Variants in STAG1 observed in about 807,000 individuals in gnomAD.
The protein encoded by STAG1 is cohesin subunit SA-1.
A neutral mutation model predicts 170.9 loss-of-function variants in STAG1; 26 were observed. That is an observed-to-expected ratio of 0.15 (90% CI 0.11 to 0.21). The LOEUF (loss-of-function observed/expected upper bound fraction) is 0.21. STAG1 is among the 10% of genes least tolerant of loss of function. The pLI, the probability that STAG1 is intolerant of heterozygous loss-of-function variation, is 1.00. For missense variants in STAG1, 964 were observed against 1,509.5 expected (o/e 0.64, Z 5.99); for synonymous variants, 514 against 497.7 (o/e 1.03, Z -0.44).
intron 5 of STAG1, among the ~76,000 whole-genome samples, chr3:136,551,041 T>G (rs1442133592): frequency 6.6e-6 from 1 of 151,542 alleles, no homozygotes; most frequent in Non-Finnish European, 1.5e-5. Flanking sequence ...AAATTACATT[T>G]CTCCACCTCC....
At chr3:136,407,793 G>A (rs2087524199) in intron 21 of STAG1, among the ~76,000 whole-genome samples, 1 of 151,702 alleles carries the variant, frequency 6.6e-6, no homozygotes, top group South Asian at 2.1e-4. Context: ...TTAGACAGGA[G>A]GCTGAGGCAG....
At position 136,745,153 on chromosome 3, in the gene STAG1, TG is replaced by T. The variant is rs1351835236; in HGVS notation, c.-84+7041del. ...AGCTAGAAAACAAGTTAAAAGCCAT[TG>T]CTATTATGTTTACAGCAAAATTCCA... is the stretch of plus-strand genomic sequence containing the variant. On this transcript the variant is annotated intron_variant, in intron 1 of 33. Coordinates refer to ENST00000383202, the MANE Select transcript of STAG1 (RefSeq NM_005862.3). 5.3e-5 allele frequency among the ~76,000 whole-genome samples: 8 copies of T among 152,368 alleles called. No homozygotes were observed. The East Asian group carries it at 1.5e-3, about 29-fold the overall frequency.
At chr3:136,429,541 G>A (rs144344825) in intron 16 of STAG1, among the ~76,000 whole-genome samples, 10 of 152,302 alleles carry the variant, frequency 6.6e-5, no homozygotes, top group South Asian at 2.1e-4. Context: ...AGATAATTTG[G>A]CAGAAGAGTT....
intron 32 of STAG1, among the ~76,000 whole-genome samples, chr3:136,340,180 G>A (rs1317891257): frequency 6.6e-6 from 1 of 152,080 alleles, no homozygotes; most frequent in African/African-American, 2.4e-5. Flanking sequence ...CTGAGATGGA[G>A]TTTCGCTCTT....
chr3:136,373,273 A>G (rs537064079), intron 23 of STAG1, among the ~76,000 whole-genome samples: 1 of 151,936 alleles, frequency 6.6e-6, no homozygotes, highest in South Asian at 2.1e-4. Context: ...TGGTCTATCA[A>G]TTTTGTTGAT....
chr3:136,662,954 G>A (rs901982596), intron 1 of STAG1, among the ~76,000 whole-genome samples: 1 of 152,138 alleles, frequency 6.6e-6, no homozygotes, highest in Non-Finnish European at 1.5e-5. Context: ...GGGAGGCTGA[G>A]GCAGGAGAAT....
chr3:136,586,035 T>C (rs1181669713), intron 4 of STAG1, among the ~76,000 whole-genome samples: 2 of 152,204 alleles, frequency 1.3e-5, no homozygotes, highest in East Asian at 3.8e-4. Flanking sequence ...TTTCAATTCT[T>C]ACTGAGGGTA....
intron 4 of STAG1, among the ~76,000 whole-genome samples, chr3:136,598,422 C>CTT (rs1164174284): frequency 6.9e-6 from 1 of 145,970 alleles, no homozygotes; most frequent in African/African-American, 2.5e-5. Context: ...TTAATACAAC[C>CTT]TTTTTTTTTT....
At chr3:136,634,173 T>A (rs28754380) in intron 1 of STAG1, among the ~76,000 whole-genome samples, 46 of 150,928 alleles carry the variant, frequency 3.0e-4, no homozygotes, top group African/African-American at 6.3e-4. Context: ...ATAAAAAAAA[T>A]TTTAAAAAGG....
At chr3:136,415,312 T>TAA (rs772520137) in intron 21 of STAG1, among the ~76,000 whole-genome samples, 2 of 68,734 alleles carry the variant, frequency 2.9e-5, no homozygotes, top group African/African-American at 1.0e-4. Context: ...TTGGTTATTA[T>TAA]AAAAAAAAAA....
chr3:136,688,267 C>T (rs1403886366), intron 1 of STAG1, among the ~76,000 whole-genome samples: 1 of 152,186 alleles, frequency 6.6e-6, no homozygotes, highest in Non-Finnish European at 1.5e-5. Context: ...TTCAATGAGA[C>T]TGACAAGAGT....
At chr3:136,455,373 C>T (rs1293311743) in intron 13 of STAG1, among the ~76,000 whole-genome samples, 1 of 152,208 alleles carries the variant, frequency 6.6e-6, no homozygotes, top group Non-Finnish European at 1.5e-5. Context: ...GTGCCAACTG[C>T]CCCCTCCCTA....
chr3:136,435,771 G>C (rs1465983995), intron 15 of STAG1, among the ~76,000 whole-genome samples: 1 of 151,768 alleles, frequency 6.6e-6, no homozygotes, highest in Non-Finnish European at 1.5e-5. Context: ...CCAGGTTCCA[G>C]TGATTCTCCT....
At chr3:136,548,373 C>T (rs1936247735) in intron 5 of STAG1, among the ~76,000 whole-genome samples, 1 of 152,134 alleles carries the variant, frequency 6.6e-6, no homozygotes, top group African/African-American at 2.4e-5. Context: ...CTCAGCCTCC[C>T]CAAGTGCTGG....
At chr3:136,645,199 CCT>C (rs759544608) in intron 1 of STAG1, among the ~76,000 whole-genome samples, 4 of 152,110 alleles carry the variant, frequency 2.6e-5, no homozygotes, top group East Asian at 1.9e-4. Context: ...ATTATACTCC[CCT>C]GATTTCACTG....
intron 1 of STAG1, among the ~76,000 whole-genome samples, chr3:136,705,499 C>T (rs1168870484): frequency 6.6e-6 from 1 of 151,698 alleles, no homozygotes; most frequent in Non-Finnish European, 1.5e-5. Context: ...ATAATTCCCA[C>T]GTATTGTATT....
intron 6 of STAG1, among the ~76,000 whole-genome samples, chr3:136,541,506 CAAGTA>C (rs919650257): frequency 3.0e-5 from 4 of 135,522 alleles, no homozygotes; most frequent in African/African-American, 1.0e-4. Context: ...AGAATACTTT[CAAGTA>C]GAGTATCCCA....
At position 136,405,791 on chromosome 3, in the gene STAG1, C is replaced by CAAAAAAA. The variant is rs34952291; in HGVS notation, c.2197-6969_2197-6963dup. On this transcript the variant is annotated intron_variant, in intron 21 of 33. Transcript: ENST00000383202. ...GGGTGACAGAATGAGACTCTATCTCCAAAAAAAAAAAAAAAAAAAAAAAAA... is the reference window on the plus strand; with the variant it reads ...GGGTGACAGAATGAGACTCTATCTCCAAAAAAAAAAAAAAAAAAAAAAAAAAAAAAAA... Among the ~76,000 whole-genome samples the CAAAAAAA allele has an allele frequency of 8.4e-4, 42 of 50,096 alleles. 1 individual carries two copies. The highest frequency in any genetic ancestry group is 1.6e-3 in the African/African-American group (18 of 11,200). The allele number at this position is 50,096 out of a possible 152,430, so 32.9% of individuals were successfully genotyped here.
intron 21 of STAG1, among the ~76,000 whole-genome samples, chr3:136,415,735 T>C (rs2087753047): frequency 6.6e-6 from 1 of 152,042 alleles, no homozygotes; most frequent in South Asian, 2.1e-4. Flanking sequence ...GGCGGAAGAA[T>C]CGCTTGAACC....
Sources: gnomAD v4.1 joint callset for allele counts (sites outside exome capture counted in the v4.1 genomes callset) on GRCh38, gnomAD v4.1.1 for gene constraint, MANE v1.5 for transcripts, NCBI Gene and HGNC (gene_info 2026-07-23, HGNC 2026-07-21) for gene names.